DAB1: variants seen among roughly 807,000 people sequenced by gnomAD.
DAB1 encodes the protein DAB adaptor protein 1, also known as disabled homolog 1.
In DAB1, 15 loss-of-function variants were observed where a neutral mutation model predicts 64.6. The ratio of observed to expected loss-of-function variants is 0.23; its 90% CI spans 0.16 to 0.36. The LOEUF (loss-of-function observed/expected upper bound fraction) is 0.36, where lower values mean the gene tolerates loss of function less well. DAB1 is among the 10% of genes least tolerant of loss of function. DAB1 has a pLI of 1.00. For missense variants in DAB1, 596 were observed against 706.7 expected (o/e 0.84, Z 1.78); for synonymous variants, 235 against 251.9 (o/e 0.93, Z 0.64).
Position 57,290,999 on chromosome 1 carries a change from A to G in DAB1, c.32T>C (p.Val11Ala). 1 of 1,612,186 alleles carries G rather than the reference A, an allele frequency of 6.2e-7. No individual in the cohort carries two copies. The highest frequency in any genetic ancestry group is 8.5e-7 in the Non-Finnish European group (1 of 1,179,084). The change falls in exon 2 of 15, where the codon GTG becomes GCG. Residue 11 changes from valine to alanine, a missense_variant. Val to Ala is a moderately conservative substitution (Grantham distance 64). Around this residue, in one of 3 missense-constraint regions of DAB1, gnomAD observed 43 missense variants for 39.6 expected, o/e 1.09. Coordinates refer to ENST00000371236, the MANE Select transcript of DAB1 (RefSeq NM_001365792.1). Reference sequence around the variant, plus strand: ...GGAGTCTTTCTTGGCGCTGGTTTTCACAGCTACTTGAAGTTCTGTCTCAGT... The same window carrying G: ...GGAGTCTTTCTTGGCGCTGGTTTTCGCAGCTACTTGAAGTTCTGTCTCAGT... Reference protein sequence around the residue: MSTETELQVAVKTSAKKDSRK... With the variant: MSTETELQVAAKTSAKKDSRK...
chr1:58,163,715 C>A (rs1012263892), intron 4 of DAB1, among the ~76,000 whole-genome samples: 1 of 152,086 alleles, frequency 6.6e-6, no homozygotes, highest in Non-Finnish European at 1.5e-5. Context: ...TGCCCATGCT[C>A]AAGTGTATTT....
At chr1:57,168,922 T>C (rs2100915333) in intron 2 of DAB1, among the ~76,000 whole-genome samples, 2 of 152,096 alleles carry the variant, frequency 1.3e-5, no homozygotes, top group East Asian at 1.9e-4. Context: ...CAAGGCATGG[T>C]GGCATGTGCC....
At chr1:57,535,431 G>GTCT (rs770236704) in intron 7 of DAB1, among the ~76,000 whole-genome samples, 1 of 149,294 alleles carries the variant, frequency 6.7e-6, no homozygotes, top group Non-Finnish European at 1.5e-5. Flanking sequence ...AGAATCTATT[G>GTCT]TCTTAATAGG....
At chr1:57,665,616 G>A (rs1281991535) in intron 6 of DAB1, among the ~76,000 whole-genome samples, 1 of 152,052 alleles carries the variant, frequency 6.6e-6, no homozygotes, top group African/African-American at 2.4e-5. Context: ...CTATTTGTAG[G>A]GGAGATAGTG....
intron 5 of DAB1, among the ~76,000 whole-genome samples, chr1:57,991,507 G>C (rs1343279705): frequency 1.3e-5 from 2 of 152,152 alleles, no homozygotes; most frequent in East Asian, 3.9e-4. Flanking sequence ...TACTGTGACT[G>C]CCGAAGCACA....
chr1:58,064,846 C>G lies in DAB1; in HGVS notation n.387+85665G>C, dbSNP rs533589175. ...ACGCCATTCTTCTGCCTCAGACTCT[C>G]CGAGTAGCAGGGACTACAGGCGCCC... On this transcript the variant is annotated intron_variant and non_coding_transcript_variant, in intron 5 of 20. Coordinates refer to the DAB1 transcript ENST00000485760. Among the ~76,000 whole-genome samples, 55 of 152,192 alleles carry G rather than the reference C, an allele frequency of 3.6e-4. 1 individual carries two copies. The highest frequency in any genetic ancestry group is 1.3e-3 in the African/African-American group (55 of 41,526).
intron 2 of DAB1, among the ~76,000 whole-genome samples, chr1:57,210,155 G>T (rs181262437): frequency 2.6e-5 from 4 of 152,252 alleles, no homozygotes; most frequent in African/African-American, 9.6e-5. Context: ...TATGTTAGCT[G>T]CTCTCATTAA....
At chr1:57,881,721 G>A (rs1006256079) in intron 1 of DAB1, among the ~76,000 whole-genome samples, 5 of 152,122 alleles carry the variant, frequency 3.3e-5, no homozygotes, top group African/African-American at 1.2e-4. Context: ...ATAGATGTGT[G>A]GGGGATGATG....
chr1:58,276,182 A>G (rs1427094153), intron 4 of DAB1, among the ~76,000 whole-genome samples: 1 of 152,150 alleles, frequency 6.6e-6, no homozygotes, highest in South Asian at 2.1e-4. Context: ...AGAGTTGTTT[A>G]CTTAATACAG....
chr1:58,096,898 A>G (rs1438064560), intron 5 of DAB1, among the ~76,000 whole-genome samples: 2 of 152,222 alleles, frequency 1.3e-5, no homozygotes, highest in African/African-American at 4.8e-5. Context: ...CAGAGACTGC[A>G]TTGTGTTTGT....
chr1:57,342,380 T>C (rs192755855), intron 1 of DAB1, among the ~76,000 whole-genome samples: 13 of 152,342 alleles, frequency 8.5e-5, no homozygotes, highest in African/African-American at 3.1e-4. Flanking sequence ...GCTGAGTTTC[T>C]TCATGGAAGG....
chr1:57,777,164 TA>T (rs1170216198), intron 6 of DAB1, among the ~76,000 whole-genome samples: 11 of 148,926 alleles, frequency 7.4e-5, no homozygotes, highest in Non-Finnish European at 1.5e-4. Context: ...TTTTTTGGAT[TA>T]AAAAAAATCA....
At chr1:57,962,969 C>T (rs1415538344) in intron 5 of DAB1, among the ~76,000 whole-genome samples, 1 of 152,048 alleles carries the variant, frequency 6.6e-6, no homozygotes, top group South Asian at 2.1e-4. Context: ...TATTTTCTTA[C>T]ATGCCTTTAT....
intron 7 of DAB1, among the ~76,000 whole-genome samples, chr1:57,547,143 C>A (rs1390737271): frequency 6.7e-6 from 1 of 148,844 alleles, no homozygotes; most frequent in East Asian, 1.9e-4. Flanking sequence ...AAGGCCAAGA[C>A]CCCAGGCAGC....
intron 2 of DAB1, among the ~76,000 whole-genome samples, chr1:57,230,320 GAAA>G (rs77981305): frequency 2.2e-5 from 2 of 91,352 alleles, no homozygotes; most frequent in African/African-American, 7.6e-5. Flanking sequence ...CCCCTTCAGA[GAAA>G]AAAAAAAAAA....
chr1:57,962,118 C>T lies in DAB1; in HGVS notation n.388-77956G>A, dbSNP rs192811915. ...CAAATGATCCCAATTCAAATCCTGG[C>T]TATGCCTCTGCTTGACTAGACTATC... On this transcript the variant is annotated intron_variant and non_coding_transcript_variant, in intron 5 of 20. Transcript: ENST00000485760. Among the ~76,000 whole-genome samples, 226 of 152,184 alleles carry T rather than the reference C, an allele frequency of 1.5e-3. 1 individual carries two copies. Among genetic ancestry groups the T allele is most frequent in the African/African-American group, 4.7e-3 (195 of 41,530 alleles).
At chr1:58,144,055 C>T (rs501582) in intron 5 of DAB1, among the ~76,000 whole-genome samples, 29,353 of 152,130 alleles carry the variant, frequency 0.19, 3,386 homozygotes, top group East Asian at 0.42. Context: ...CACTGGCTTG[C>T]TAGAACTATT....
rs565228427 is a variant in DAB1 at position 57,518,416 on chromosome 1, T to C, written n.625+131176A>G. ...TCAGAGATGCCTTCTCTGACCATGC[T>C]AGCTAAAATAGAAATAAATAAAATA... On this transcript the variant is annotated intron_variant and non_coding_transcript_variant, in intron 7 of 20. Coordinates refer to the DAB1 transcript ENST00000485760. 2.6e-4 allele frequency among the ~76,000 whole-genome samples: 39 copies of C among 152,196 alleles called. No homozygotes were observed. In the South Asian group the frequency reaches 7.3e-3, roughly 28 times the overall value.
chr1:57,766,143 T>C (rs2101824263), intron 6 of DAB1, among the ~76,000 whole-genome samples: 1 of 152,104 alleles, frequency 6.6e-6, no homozygotes, highest in Admixed American at 6.6e-5. Flanking sequence ...GTCTAACCAC[T>C]TTTCACCACA....
Sources: allele counts gnomAD v4.1 joint callset (sites outside exome capture counted in the v4.1 genomes callset), GRCh38; gene constraint gnomAD v4.1.1; regional missense constraint gnomAD v4.1.1; transcripts MANE v1.5; gene names NCBI Gene and HGNC (gene_info 2026-07-23, HGNC 2026-07-21).